SCARA5: variants seen among roughly 807,000 people sequenced by gnomAD.
SCARA5 encodes scavenger receptor class A member 5.
A neutral mutation model predicts 46.3 loss-of-function variants in SCARA5; 45 were observed. The observed-to-expected ratio is 0.97, with a 90% CI of 0.76 to 1.24. SCARA5 has a LOEUF of 1.24. Ranked by LOEUF, SCARA5 falls within the 50% of genes most tolerant of loss-of-function variation. The probability of loss-of-function intolerance (pLI) is 0.00; values close to 1 mark genes in which losing one functional copy is unlikely to be tolerated. For synonymous variants in SCARA5, 333 were observed against 306.5 expected (o/e 1.09, Z -0.90); for missense variants, 680 against 689.0 (o/e 0.99, Z 0.15).
chr8:27,981,570 G>A (rs757611891), intron 2 of SCARA5, among the ~76,000 whole-genome samples: 10 of 152,192 alleles, frequency 6.6e-5, no homozygotes, highest in Non-Finnish European at 1.2e-4. Flanking sequence ...ACGGCACGTG[G>A]GGATGGCGGG....
rs912158882 is a variant in SCARA5 at position 27,920,410 on chromosome 8, C to T, written c.916+1161G>A. On this transcript the variant is annotated intron_variant, in intron 4 of 8. Transcript: ENST00000354914. Reference sequence around the variant, plus strand: ...GGAGGATCACCTGAGGTCAGGAGTTCGAGACCAGCCTGGCCAACATGGTGA... The same window carrying T: ...GGAGGATCACCTGAGGTCAGGAGTTTGAGACCAGCCTGGCCAACATGGTGA... Among the ~76,000 whole-genome samples, 32 of 151,750 alleles carry T rather than the reference C, an allele frequency of 2.1e-4. 1 individual carries two copies. Among genetic ancestry groups the T allele is most frequent in the Admixed American group, 1.6e-3 (24 of 15,258 alleles).
intron 8 of SCARA5, among the ~76,000 whole-genome samples, chr8:27,879,009 G>A (rs907273245): frequency 2.6e-5 from 4 of 152,106 alleles, no homozygotes; most frequent in East Asian, 1.9e-4. Context: ...GCTTGAGCCC[G>A]AGTGATCAAG....
chr8:27,914,024 T>A (rs1807420461), intron 4 of SCARA5, among the ~76,000 whole-genome samples: 1 of 152,108 alleles, frequency 6.6e-6, no homozygotes, highest in Non-Finnish European at 1.5e-5. Context: ...CTCCCATAAT[T>A]CCCATGTGTT....
At position 27,889,136 on chromosome 8, in the gene SCARA5, G is replaced by GAGA. The variant is rs1563513593; in HGVS notation, c.1154-9371_1154-9370insTCT. On this transcript the variant is annotated intron_variant, in intron 7 of 8. Transcript: ENST00000354914. ...AGGCCCCAAATCTCTCAAAGCTTGA[G>GAGA]CTTGTTCCCCAGTAAAGAGGGTACA... 9.9e-5 allele frequency among the ~76,000 whole-genome samples: 15 copies of GAGA among 152,256 alleles called. No individual in the cohort carries two copies. In the East Asian group the frequency reaches 2.9e-3, roughly 29 times the overall value.
At chr8:27,945,953 T>A (rs1169628633) in intron 3 of SCARA5, among the ~76,000 whole-genome samples, 1 of 152,262 alleles carries the variant, frequency 6.6e-6, no homozygotes, top group Admixed American at 6.5e-5. Flanking sequence ...TAAACATTGC[T>A]GATGACTGTG....
In SCARA5 at chr8:27,922,115, C is replaced by G. The variant is rs1452615054; in HGVS notation, c.372G>C (p.Gln124His). ...QAPLQADLTE[Q>H]VWKVQDALQN... ...GCAGCGCGTCCTGCACCTTCCACACCTGCTCCGTCAGGTCCGCTTGCAGCG... is the reference window on the plus strand; with the variant it reads ...GCAGCGCGTCCTGCACCTTCCACACGTGCTCCGTCAGGTCCGCTTGCAGCG... The change falls in exon 4 of 9, where the codon CAG becomes CAC. Residue 124 changes from glutamine to histidine, a missense_variant. By Grantham distance (24) the Gln-to-His change is conservative. Transcript: ENST00000354914. The G allele has an allele frequency of 1.2e-6, 2 of 1,605,932 alleles. No individual in the cohort carries two copies. Among genetic ancestry groups the G allele is most frequent in the Admixed American group, 1.7e-5 (1 of 58,916 alleles).
intron 4 of SCARA5, among the ~76,000 whole-genome samples, chr8:27,917,603 G>T (rs550123833): frequency 6.6e-6 from 1 of 152,280 alleles, no homozygotes; most frequent in African/African-American, 2.4e-5. Context: ...TTTACGGCCT[G>T]CCAGTTGTCT....
chr8:27,990,528 T>C lies in SCARA5; in HGVS notation c.-16+1729A>G, dbSNP rs142979138. Among the ~76,000 whole-genome samples, 1,024 of 152,108 alleles carry C rather than the reference T, an allele frequency of 6.7e-3. 12 individuals are homozygous for C. Among genetic ancestry groups the C allele is most frequent in the African/African-American group, 0.023 (973 of 41,508 alleles). On this transcript the variant is annotated intron_variant, in intron 1 of 8. Transcript: ENST00000354914. ...TCCCTCCCATTTTAAACATAAGCCA[T>C]CCCAGACCAAAGAGGCAAAGGAAGG...
At chr8:27,884,424 G>T (rs74713884) in intron 7 of SCARA5, among the ~76,000 whole-genome samples, 14,374 of 152,314 alleles carry the variant, frequency 0.094, 749 homozygotes, top group East Asian at 0.15. Context: ...GCGGGGCCTT[G>T]GCCCTGGGTT....
chr8:27,909,860 G>A, intron 4 of SCARA5, 117 bp from the exon 5 acceptor site: 2 of 612,640 alleles, frequency 3.3e-6, no homozygotes, highest in South Asian at 2.5e-5. Context: ...CATTAGCTTT[G>A]GAAACTCACA....
At chr8:27,923,145 A>G (rs1807625361) in intron 3 of SCARA5, among the ~76,000 whole-genome samples, 1 of 152,252 alleles carries the variant, frequency 6.6e-6, no homozygotes, top group African/African-American at 2.4e-5. Flanking sequence ...TTAACTAAGA[A>G]TGCTTGCTCC....
At chr8:27,923,452 C>T (rs1057428301) in intron 3 of SCARA5, among the ~76,000 whole-genome samples, 2 of 152,232 alleles carry the variant, frequency 1.3e-5, no homozygotes, top group Admixed American at 1.3e-4. Context: ...ATACTTGTCA[C>T]CCAATCAGAG....
intron 2 of SCARA5, among the ~76,000 whole-genome samples, chr8:27,967,363 T>A (rs1728078956): frequency 6.6e-6 from 1 of 152,184 alleles, no homozygotes; most frequent in African/African-American, 2.4e-5. Flanking sequence ...GGACCCAGGT[T>A]GATCTTTTAG....
intron 7 of SCARA5, among the ~76,000 whole-genome samples, chr8:27,891,747 C>A (rs1485847744): frequency 6.6e-6 from 1 of 152,178 alleles, no homozygotes; most frequent in East Asian, 1.9e-4. Flanking sequence ...TTTTTCACCT[C>A]CCTGACTCTA....
intron 6 of SCARA5, among the ~76,000 whole-genome samples, chr8:27,905,578 A>T (rs2685367): frequency 0.53 from 72,013 of 136,188 alleles, 21,522 homozygotes; most frequent in Non-Finnish European, 0.63. Context: ...ATGCTCAGAA[A>T]AAGATCTGGC....
chr8:27,911,634 T>C (rs1269950806), intron 4 of SCARA5, among the ~76,000 whole-genome samples: 1 of 152,068 alleles, frequency 6.6e-6, no homozygotes, highest in East Asian at 1.9e-4. Flanking sequence ...GAGGCTGCCG[T>C]GAGCCGAGAT....
chr8:27,944,530 G>A (rs1808002138), intron 3 of SCARA5, among the ~76,000 whole-genome samples: 1 of 152,094 alleles, frequency 6.6e-6, no homozygotes, highest in Non-Finnish European at 1.5e-5. Context: ...ACTCTTTATA[G>A]CTTCCAACTT....
chr8:27,910,416 TAGTA>T (rs1368254275), intron 4 of SCARA5: 1 of 152,162 alleles, frequency 6.6e-6, no homozygotes, highest in Non-Finnish European at 1.5e-5. Flanking sequence ...AAGACAGAGA[TAGTA>T]AGCCACAGCG....
intron 7 of SCARA5, among the ~76,000 whole-genome samples, chr8:27,902,731 C>T (rs532913569): frequency 2.0e-4 from 30 of 152,188 alleles, no homozygotes; most frequent in African/African-American, 7.0e-4. Flanking sequence ...ACAAACAGAG[C>T]AGGGAAAAAC....
Sources: allele counts gnomAD v4.1 joint callset (sites outside exome capture counted in the v4.1 genomes callset), GRCh38; gene constraint gnomAD v4.1.1; transcripts MANE v1.5; gene names NCBI Gene and HGNC (gene_info 2026-07-23, HGNC 2026-07-21).